MNAT1: variants seen among roughly 807,000 people sequenced by gnomAD.
MNAT1 encodes the protein MNAT1 component of CDK activating kinase, also known as CDK-activating kinase assembly factor MAT1.
Under a neutral mutation model 42.0 loss-of-function variants are expected in MNAT1, and 43 were observed. The observed-to-expected ratio is 1.02, with a 90% confidence interval of 0.80 to 1.32. The LOEUF is 1.32. Ranked by LOEUF, MNAT1 falls within the 40% of genes most tolerant of loss-of-function variation. The probability of loss-of-function intolerance (pLI) is 0.00; values close to 1 mark genes in which losing one functional copy is unlikely to be tolerated. For synonymous variants in MNAT1, 118 were observed against 120.0 expected, an observed-to-expected ratio of 0.98 and a Z score of 0.11; for missense variants, 306 against 350.4, an observed-to-expected ratio of 0.87 and a Z score of 1.01.
intron 6 of MNAT1, among the ~76,000 whole-genome samples, chr14:60,876,965 T>G (rs1202366068): frequency 6.6e-6 from 1 of 152,052 alleles, no homozygotes; most frequent in Admixed American, 6.6e-5. Flanking sequence ...ATCCAATTGT[T>G]GGATCATGTG....
chr14:60,737,399 G>GTA (rs939379313), intron 1 of MNAT1, among the ~76,000 whole-genome samples: 142 of 151,274 alleles, frequency 9.4e-4, no homozygotes, highest in Middle Eastern at 6.8e-3. Context: ...ATATATGTGT[G>GTA]TATATATATA....
chr14:60,899,659 T>G, intron 7 of MNAT1, among the ~76,000 whole-genome samples: 1 of 152,178 alleles, frequency 6.6e-6, no homozygotes, highest in Non-Finnish European at 1.5e-5. Context: ...TGAGCAAAAG[T>G]AATTGATTAT....
In MNAT1 at chr14:60,810,810, C is replaced by T. The variant is rs79369199; in HGVS notation, c.421-1177C>T. Among the ~76,000 whole-genome samples the T allele has an allele frequency of 5.1e-3, 779 of 152,152 alleles. 14 individuals carry two copies. The highest frequency in any genetic ancestry group is 0.018 in the African/African-American group (730 of 41,514). ...AAGTTCTGTGTGTGCTTGGGAAGAT[C>T]GTGTATTCCGCTGCTGTTGAGTAGA... On this transcript the variant is annotated intron_variant, in intron 4 of 7. Transcript: ENST00000261245.
Position 60,879,809 on chromosome 14 carries a change from T to C in MNAT1, c.783T>C (p.Pro261=). The change falls in exon 7 of 8, where the codon CCT becomes CCC. Residue 261 remains proline (P), a synonymous_variant. Transcript: ENST00000261245. Reference sequence around the variant, plus strand: ...TAGAGACATATGGACCACATGTTCCTGAGCTTGAGATGCTAGGAAGACTTG... The same window carrying C: ...TAGAGACATATGGACCACATGTTCCCGAGCTTGAGATGCTAGGAAGACTTG... ...LQIETYGPHV[P]ELEMLGRLGY... The C allele has an allele frequency of 6.2e-7, 1 of 1,613,088 alleles. No homozygotes were observed. Among genetic ancestry groups the C allele is most frequent in the Non-Finnish European group, 8.5e-7 (1 of 1,179,340 alleles).
At chr14:60,859,493 A>T (rs888735300) in intron 6 of MNAT1, among the ~76,000 whole-genome samples, 3 of 152,160 alleles carry the variant, frequency 2.0e-5, no homozygotes, top group Non-Finnish European at 4.4e-5. Flanking sequence ...TCAGATTTTT[A>T]CATTGGGAAA....
intron 4 of MNAT1, among the ~76,000 whole-genome samples, chr14:60,809,347 C>T (rs984796840): frequency 3.3e-5 from 5 of 152,064 alleles, no homozygotes; most frequent in African/African-American, 1.2e-4. Context: ...CTGTAAAACT[C>T]TCAATGAATT....
chr14:60,753,602 A>C (rs955421521), intron 1 of MNAT1: 1 of 152,206 alleles, frequency 6.6e-6, no homozygotes, highest in Admixed American at 6.5e-5. Context: ...TCTTCTATGA[A>C]CATCATTCAG....
chr14:60,916,519 G>A (rs566857381), intron 7 of MNAT1, among the ~76,000 whole-genome samples: 1 of 152,290 alleles, frequency 6.6e-6, no homozygotes, highest in East Asian at 1.9e-4. Flanking sequence ...GCCAGGGATG[G>A]TGGCATGCAT....
At chr14:60,928,243 C>T (rs190442833) in intron 7 of MNAT1, among the ~76,000 whole-genome samples, 4 of 152,236 alleles carry the variant, frequency 2.6e-5, no homozygotes, top group African/African-American at 7.2e-5. Flanking sequence ...ATATACTACA[C>T]GTTATCTATT....
chr14:60,952,566 A>G (rs1009166728), intron 7 of MNAT1, among the ~76,000 whole-genome samples: 11 of 152,186 alleles, frequency 7.2e-5, no homozygotes, highest in Admixed American at 2.0e-4. Context: ...ACTGGTATTC[A>G]GGAGAAAGAG....
rs759752396 is a variant in MNAT1 at position 60,818,719 on chromosome 14, C to G, written c.562-3C>G. On this transcript the variant is annotated splice_polypyrimidine_tract_variant and splice_region_variant and intron_variant, in intron 5 of 7. Transcript: ENST00000261245. The stretch of plus-strand genomic sequence containing the variant: ...TCTTATTGAACTTGAACTATTCTTA[C>G]AGGAGAGTTCTGATCTCCCTGTTGC... 6.3e-7 allele frequency: 1 copy of G among 1,592,014 alleles called. No individual in the cohort carries two copies. Among genetic ancestry groups the G allele is most frequent in the Non-Finnish European group, 8.6e-7 (1 of 1,168,684 alleles).
chr14:60,911,413 G>A (rs999404285), intron 7 of MNAT1, among the ~76,000 whole-genome samples: 1 of 152,070 alleles, frequency 6.6e-6, no homozygotes, highest in Non-Finnish European at 1.5e-5. Context: ...TAATTCTGTT[G>A]TTAGGGTGTC....
chr14:60,909,214 T>G (rs1032393934), intron 7 of MNAT1, among the ~76,000 whole-genome samples: 14 of 152,346 alleles, frequency 9.2e-5, no homozygotes, highest in Admixed American at 5.2e-4. Flanking sequence ...TTGTAGATTC[T>G]GGATATTAGC....
intron 7 of MNAT1, among the ~76,000 whole-genome samples, chr14:60,942,577 A>G (rs1012756244): frequency 1.3e-5 from 2 of 151,966 alleles, no homozygotes; most frequent in Admixed American, 1.3e-4. Context: ...AGTTATTAAA[A>G]CAGTAAGGTT....
At chr14:60,831,045 C>T (rs1320498963) in intron 6 of MNAT1, among the ~76,000 whole-genome samples, 2 of 151,794 alleles carry the variant, frequency 1.3e-5, no homozygotes, top group African/African-American at 4.8e-5. Flanking sequence ...CATCTTCTCC[C>T]AGCCTCCATT....
intron 7 of MNAT1, among the ~76,000 whole-genome samples, chr14:60,904,640 G>A (rs191525944): frequency 4.6e-5 from 7 of 152,240 alleles, no homozygotes; most frequent in African/African-American, 1.7e-4. Context: ...AAATATAATT[G>A]TGTAGTTGGT....
chr14:60,855,512 G>A (rs2033935003), intron 6 of MNAT1, among the ~76,000 whole-genome samples: 1 of 152,152 alleles, frequency 6.6e-6, no homozygotes, highest in Non-Finnish European at 1.5e-5. Flanking sequence ...TAGTATCTGG[G>A]CTGGATAGCA....
chr14:60,815,223 C>T (rs1459308347), intron 5 of MNAT1, among the ~76,000 whole-genome samples: 2 of 145,868 alleles, frequency 1.4e-5, no homozygotes, highest in African/African-American at 5.0e-5. Flanking sequence ...TTCTTTTTCC[C>T]TTTTTTTTTT....
At chr14:60,842,214 T>C (rs1444982698) in intron 6 of MNAT1, among the ~76,000 whole-genome samples, 2 of 152,208 alleles carry the variant, frequency 1.3e-5, no homozygotes. Flanking sequence ...ATGCAGATCA[T>C]ATGGCCTGCA....
Sources: gnomAD v4.1 joint callset for allele counts (sites outside exome capture counted in the v4.1 genomes callset) on GRCh38, gnomAD v4.1.1 for gene constraint, MANE v1.5 for transcripts, NCBI Gene and HGNC (gene_info 2026-07-23, HGNC 2026-07-21) for gene names.